The following YIPF4 variants were observed in gnomAD, a reference collection of about 807,000 sequenced individuals.
The protein encoded by YIPF4 is protein YIPF4.
YIPF4 carries 18 observed loss-of-function variants against 29.4 expected under a neutral mutation model. That is an observed-to-expected ratio of 0.61 (90% CI 0.42 to 0.91). The LOEUF (loss-of-function observed/expected upper bound fraction) is 0.91, where lower values mean the gene tolerates loss of function less well. YIPF4 is among the 40% of genes least tolerant of loss of function. The pLI is 0.00. For missense variants in YIPF4, 279 were observed against 282.7 expected (o/e 0.99, Z 0.09); for synonymous variants, 115 against 104.7 (o/e 1.10, Z -0.60).
intron 3 of YIPF4, among the ~76,000 whole-genome samples, chr2:32,293,172 T>TAAACAAGTGAACAAAG (rs1035729417): frequency 1.3e-5 from 2 of 152,084 alleles, no homozygotes; most frequent in African/African-American, 2.4e-5. Context: ...GGTCAGCAGA[T>TAAACAAGTGAACAAAG]AAACAAGTGA....
chr2:32,292,458 C>G, intron 3 of YIPF4, 110 bp downstream of exon 3: 1 of 852,754 alleles, frequency 1.2e-6, no homozygotes, highest in Admixed American at 4.0e-5. Context: ...AAATGCTTTA[C>G]CCATTATTTC....
At chr2:32,298,795 G>A (rs1351992905) in intron 4 of YIPF4, among the ~76,000 whole-genome samples, 1 of 152,006 alleles carries the variant, frequency 6.6e-6, no homozygotes. Flanking sequence ...CCAACCTCAA[G>A]CGATCTGCCT....
chr2:32,287,467 A>C (rs1196383111), intron 1 of YIPF4, among the ~76,000 whole-genome samples: 1 of 152,136 alleles, frequency 6.6e-6, no homozygotes, highest in East Asian at 1.9e-4. Flanking sequence ...TTCTTTACGT[A>C]TATAAGAATG....
At position 32,315,915 on chromosome 2, in the gene YIPF4, C is replaced by CA. The variant is rs1224777423; in HGVS notation, c.*10290dup. ...GAAGCCATGGCCAGGCACGGTGGCT[C>CA]ATGCCTGTAATCCCAGCTCTCAGGG... is the stretch of plus-strand genomic sequence containing the variant. On this transcript the variant is annotated 3_prime_UTR_variant, in exon 6 of 6. Coordinates refer to ENST00000238831, the MANE Select transcript of YIPF4 (RefSeq NM_032312.4). The CA allele has an allele frequency of 6.6e-6, 1 of 151,368 alleles. No homozygotes were observed. The highest frequency in any genetic ancestry group is 2.4e-5 in the African/African-American group (1 of 41,178). 9.4% of individuals were successfully genotyped at this position (151,368 alleles called of 1,614,324 possible). A position where few individuals can be genotyped will look rare whatever the true frequency, so the allele number is the denominator to read the frequency against.
At chr2:32,303,480 AGG>A (rs2031475481) in intron 5 of YIPF4, among the ~76,000 whole-genome samples, 1 of 152,194 alleles carries the variant, frequency 6.6e-6, no homozygotes, top group Non-Finnish European at 1.5e-5. Flanking sequence ...AGGCCGAGGC[AGG>A]TGGATCAGTT....
chr2:32,286,807 C>G (rs180767618), intron 1 of YIPF4, among the ~76,000 whole-genome samples: 183 of 152,258 alleles, frequency 1.2e-3, no homozygotes, highest in Admixed American at 4.2e-3. Flanking sequence ...ACTGGGATTA[C>G]AGACCTGAGC....
intron 1 of YIPF4, 127 bp downstream of exon 1, chr2:32,278,361 C>T (rs1033192109): frequency 2.1e-5 from 19 of 886,604 alleles, no homozygotes; most frequent in Admixed American, 3.2e-5. Context: ...GTGACTGCAG[C>T]CCACCACGCC....
chr2:32,278,338 A>T, intron 1 of YIPF4, 104 bp downstream of exon 1: 1 of 1,186,228 alleles, frequency 8.4e-7, no homozygotes, highest in Non-Finnish European at 1.2e-6. Context: ...GGGGACAGGC[A>T]GGAAGCTGAC....
At chr2:32,289,109 G>A (rs1017708973) in intron 1 of YIPF4, among the ~76,000 whole-genome samples, 2 of 152,080 alleles carry the variant, frequency 1.3e-5, no homozygotes, top group Non-Finnish European at 2.9e-5. Flanking sequence ...ACATGTACAG[G>A]GATTATTTTT....
Position 32,306,462 on chromosome 2 carries a change from T to C in YIPF4, c.*836T>C, listed in dbSNP as rs2031585334. On this transcript the variant is annotated 3_prime_UTR_variant, in exon 6 of 6. Coordinates refer to ENST00000238831, the MANE Select transcript of YIPF4 (RefSeq NM_032312.4). ...GTAATATTTACAGCATCAGTAAATA[T>C]TTTTAAGTGGTACTTCTAAATCATA... The C allele has an allele frequency of 1.0e-6, 1 of 983,970 alleles. No individual in the cohort carries two copies. The highest frequency in any genetic ancestry group is 1.7e-5 in the African/African-American group (1 of 57,228). 61.0% of individuals were successfully genotyped at this position (983,970 alleles called of 1,614,324 possible). A position where few individuals can be genotyped will look rare whatever the true frequency, so the allele number is the denominator to read the frequency against.
chr2:32,313,988 C>T lies in YIPF4; in HGVS notation c.*8362C>T, dbSNP rs938839052. The T allele has an allele frequency of 6.6e-6, 1 of 152,228 alleles. No homozygotes were observed. The highest frequency in any genetic ancestry group is 2.4e-5 in the African/African-American group (1 of 41,460). 9.4% of individuals were successfully genotyped at this position (152,228 alleles called of 1,614,324 possible). ...GGATTATAGGCATGAACCACTGCGC[C>T]CAGCCAGAAACGTGCTTTTAATACT... On this transcript the variant is annotated 3_prime_UTR_variant, in exon 6 of 6. Coordinates refer to ENST00000238831, the MANE Select transcript of YIPF4 (RefSeq NM_032312.4).
chr2:32,303,107 A>G (rs1429394705), intron 5 of YIPF4, among the ~76,000 whole-genome samples: 1 of 152,064 alleles, frequency 6.6e-6, no homozygotes, highest in African/African-American at 2.4e-5. Flanking sequence ...GCTACCGCCT[A>G]TAATCCCAGC....
At chr2:32,299,035 G>T (rs1208050380) in intron 4 of YIPF4, among the ~76,000 whole-genome samples, 1 of 151,802 alleles carries the variant, frequency 6.6e-6, no homozygotes, top group Non-Finnish European at 1.5e-5. Context: ...CTGCCACCCT[G>T]CCCAACTAAT....
chr2:32,309,606 T>C lies in YIPF4; in HGVS notation c.*3980T>C, dbSNP rs2148969759. 1 of 152,176 alleles carries C rather than the reference T, an allele frequency of 6.6e-6. No individual in the cohort carries two copies. Among genetic ancestry groups the C allele is most frequent in the East Asian group, 1.9e-4 (1 of 5,186 alleles). 9.4% of individuals were successfully genotyped at this position (152,176 alleles called of 1,614,324 possible). Reference sequence around the variant, plus strand: ...AATTATTTTTCATAGTGAACAAAACTAGTTGAATACTTCTAAATATTCATT... The same window carrying C: ...AATTATTTTTCATAGTGAACAAAACCAGTTGAATACTTCTAAATATTCATT... On this transcript the variant is annotated 3_prime_UTR_variant, in exon 6 of 6. Transcript: ENST00000238831.
At chr2:32,281,352 C>T (rs540724375) in intron 1 of YIPF4, among the ~76,000 whole-genome samples, 2 of 152,154 alleles carry the variant, frequency 1.3e-5, no homozygotes, top group Admixed American at 1.3e-4. Flanking sequence ...AGTGATTCTC[C>T]TGCCTCAGCC....
rs956190009 is a variant in YIPF4 at position 32,315,331 on chromosome 2, G to C, written c.*9705G>C. On this transcript the variant is annotated 3_prime_UTR_variant, in exon 6 of 6. Coordinates refer to ENST00000238831, the MANE Select transcript of YIPF4 (RefSeq NM_032312.4). The stretch of plus-strand genomic sequence containing the variant: ...CATAGCCATCCCTTGCTGTAAGAGA[G>C]TTGGGGAAAGTATTTTAAGCTGGGA... 2 of 152,230 alleles carry C rather than the reference G, an allele frequency of 1.3e-5. No individual in the cohort carries two copies. Among genetic ancestry groups the C allele is most frequent in the African/African-American group, 2.4e-5 (1 of 41,446 alleles). 9.4% of individuals were successfully genotyped at this position (152,230 alleles called of 1,614,324 possible).
At chr2:32,303,938 A>G (rs535619595) in intron 5 of YIPF4, among the ~76,000 whole-genome samples, 2 of 152,240 alleles carry the variant, frequency 1.3e-5, no homozygotes, top group Non-Finnish European at 2.9e-5. Flanking sequence ...TGTTTCTGAG[A>G]CTACTCCCAA....
rs753761336 is a variant in YIPF4 at position 32,290,582 on chromosome 2, A to G, written c.179A>G (p.Tyr60Cys). Residue 60 changes from tyrosine to cysteine, a missense_variant, in exon 2 of 6, where the codon TAT (tyrosine) becomes TGT (cysteine). Tyr to Cys is a radical substitution (Grantham distance 194). Coordinates refer to ENST00000238831, the MANE Select transcript of YIPF4 (RefSeq NM_032312.4). Reference protein sequence around the residue: ...TATTFLRQRGYGWLLEVEDDD... With the variant: ...TATTFLRQRGCGWLLEVEDDD... Reference sequence around the variant, plus strand: ...ACTACATTTCTGAGACAAAGAGGTTATGGCTGGCTTCTGGAAGTTGAAGAT... The same window carrying G: ...ACTACATTTCTGAGACAAAGAGGTTGTGGCTGGCTTCTGGAAGTTGAAGAT... The G allele has an allele frequency of 1.9e-6, 3 of 1,584,764 alleles. No homozygotes were observed. Among genetic ancestry groups the G allele is most frequent in the Non-Finnish European group, 8.6e-7 (1 of 1,165,800 alleles).
intron 1 of YIPF4, among the ~76,000 whole-genome samples, chr2:32,283,912 G>T (rs1391938261): frequency 6.6e-6 from 1 of 151,912 alleles, no homozygotes; most frequent in Admixed American, 6.6e-5. Context: ...TAGAGACGGG[G>T]TTTTACCACG....
Sources: allele counts gnomAD v4.1 joint callset (sites outside exome capture counted in the v4.1 genomes callset), GRCh38; gene constraint gnomAD v4.1.1; transcripts MANE v1.5; gene names NCBI Gene and HGNC (gene_info 2026-07-23, HGNC 2026-07-21).